The following PCDH15 variants were observed in gnomAD, a reference collection of about 807,000 sequenced individuals.
PCDH15 encodes the protein protocadherin related 15, also known as protocadherin-15.
Under a neutral mutation model 178.5 loss-of-function variants are expected in PCDH15, and 129 were observed. That is an observed-to-expected ratio of 0.72 (90% CI 0.63 to 0.84). The LOEUF is 0.84. Among genes scored for constraint, PCDH15 ranks in the 40% least tolerant of loss-of-function variants. PCDH15 has a pLI of 0.00. For synonymous variants in PCDH15, 800 were observed against 732.0 expected, an observed-to-expected ratio of 1.09 and a Z score of -1.50; for missense variants, 2,230 against 2,099.9, an observed-to-expected ratio of 1.06 and a Z score of -1.21.
At chr10:54,468,917 T>A (rs1261064781) in intron 3 of PCDH15, among the ~76,000 whole-genome samples, 1 of 152,160 alleles carries the variant, frequency 6.6e-6, no homozygotes, top group East Asian at 1.9e-4. Context: ...GTCTCTGCTG[T>A]TTTTGATTAA....
chr10:55,157,093 T>G (rs1378837080), intron 2 of PCDH15, among the ~76,000 whole-genome samples: 1 of 150,956 alleles, frequency 6.6e-6, no homozygotes. Flanking sequence ...ATAAAGTATC[T>G]TAACACATAT....
chr10:54,362,151 A>G (rs1946148447), intron 5 of PCDH15, among the ~76,000 whole-genome samples: 1 of 152,076 alleles, frequency 6.6e-6, no homozygotes, highest in South Asian at 2.1e-4. Flanking sequence ...AATGGTAATT[A>G]TTATAATTCA....
At chr10:55,420,870 A>T (rs1042900518) in intron 2 of PCDH15, among the ~76,000 whole-genome samples, 2 of 151,706 alleles carry the variant, frequency 1.3e-5, no homozygotes, top group African/African-American at 4.8e-5. Flanking sequence ...TACCACGTAG[A>T]AAAATGAAAG....
intron 2 of PCDH15, among the ~76,000 whole-genome samples, chr10:55,434,849 C>T (rs1275757887): frequency 2.0e-5 from 3 of 152,242 alleles, no homozygotes; most frequent in East Asian, 3.9e-4. Context: ...TGTGATCCAC[C>T]GACCTTGGCC....
chr10:54,255,521 C>T (rs1051264511), intron 8 of PCDH15, among the ~76,000 whole-genome samples: 1 of 152,024 alleles, frequency 6.6e-6, no homozygotes, highest in South Asian at 2.1e-4. Flanking sequence ...GAAGTTTATG[C>T]TGCAAAATGT....
chr10:54,436,215 A>G (rs954155966), intron 3 of PCDH15, among the ~76,000 whole-genome samples: 27 of 152,058 alleles, frequency 1.8e-4, no homozygotes, highest in Non-Finnish European at 7.4e-5. Context: ...TAAGTCATAA[A>G]AGTGAATTAG....
rs1296029600 is a variant in PCDH15, at chr10:55,399,284, C to T, written c.-156+228341G>A. Among the ~76,000 whole-genome samples the T allele has an allele frequency of 2.6e-5, 4 of 152,108 alleles. No homozygotes were observed. The East Asian group carries it at 7.7e-4, about 29-fold the overall frequency. On this transcript the variant is annotated intron_variant, in intron 2 of 5. Transcript: ENST00000613346. ...AGAAGAAACAAATTTGAAATAATCT[C>T]ACACAACATTTAAAATATTTATTTT...
At position 53,940,920 on chromosome 10, in the gene PCDH15, C is replaced by G. The variant is rs1351562592; in HGVS notation, c.3178G>C (p.Ala1060Pro). The G allele has an allele frequency of 1.2e-6, 2 of 1,613,602 alleles. No homozygotes were observed. The highest frequency in any genetic ancestry group is 1.7e-6 in the Non-Finnish European group (2 of 1,179,736). ...TKGTMVGVIS[A>P]AAINQSIVYS... is the part of the protein sequence containing the mutation. ...ACAATACTTTGATTAATGGCAGCAG[C>G]AGAAATTACACCAACCATGGTCCCT... Residue 1060 changes from alanine to proline, a missense_variant, in exon 24 of 38, where the codon GCT becomes CCT. Transcript: ENST00000644397.
chr10:54,605,914 A>G (rs898284397), intron 2 of PCDH15: 2 of 152,116 alleles, frequency 1.3e-5, no homozygotes, highest in African/African-American at 4.8e-5. Flanking sequence ...GGGGATAGAT[A>G]TGTAGATAAA....
intron 18 of PCDH15, among the ~76,000 whole-genome samples, chr10:54,041,787 A>T (rs2093552744): frequency 6.6e-6 from 1 of 152,172 alleles, no homozygotes; most frequent in African/African-American, 2.4e-5. Context: ...GAACTCTTAA[A>T]CTTTAGTTTT....
intron 1 of PCDH15, among the ~76,000 whole-genome samples, chr10:54,710,096 C>G (rs889647348): frequency 2.0e-5 from 3 of 151,752 alleles, no homozygotes; most frequent in Non-Finnish European, 4.4e-5. Flanking sequence ...ATGTGTCCTG[C>G]ATAAATGTAG....
chr10:55,175,457 G>A (rs923456820), intron 1 of PCDH15, among the ~76,000 whole-genome samples: 1 of 152,014 alleles, frequency 6.6e-6, no homozygotes, highest in Non-Finnish European at 1.5e-5. Flanking sequence ...AAGGTCAGGA[G>A]TTTGAGACCA....
At chr10:53,897,707 T>C (rs10763022) in intron 26 of PCDH15, among the ~76,000 whole-genome samples, 97,252 of 151,872 alleles carry the variant, frequency 0.64, 32,306 homozygotes, top group East Asian at 0.87. Flanking sequence ...TCCTCCCACT[T>C]CACCCCTAAA....
chr10:54,327,254 C>T (rs1401479672), intron 7 of PCDH15, among the ~76,000 whole-genome samples: 2 of 151,816 alleles, frequency 1.3e-5, no homozygotes, highest in African/African-American at 2.4e-5. Flanking sequence ...GACATTCTAC[C>T]TTTTCTTCAC....
chr10:55,242,621 C>G (rs560294225), intron 1 of PCDH15, among the ~76,000 whole-genome samples: 1 of 152,014 alleles, frequency 6.6e-6, no homozygotes, highest in African/African-American at 2.4e-5. Flanking sequence ...ACAGGCAGAT[C>G]GCTTGAGCCC....
At chr10:54,985,773 G>T (rs1219571063) in intron 2 of PCDH15, among the ~76,000 whole-genome samples, 11 of 152,190 alleles carry the variant, frequency 7.2e-5, no homozygotes, top group Admixed American at 7.2e-4. Context: ...TTGGAAAATT[G>T]TTAAGTTGAA....
intron 3 of PCDH15, among the ~76,000 whole-genome samples, chr10:54,840,139 A>G (rs1235857723): frequency 6.6e-6 from 1 of 152,102 alleles, no homozygotes; most frequent in Non-Finnish European, 1.5e-5. Flanking sequence ...ATAGTTAAAT[A>G]GACAGGCAAA....
At chr10:54,413,078 T>A (rs61142978) in intron 3 of PCDH15, among the ~76,000 whole-genome samples, 4 of 152,194 alleles carry the variant, frequency 2.6e-5, no homozygotes, top group Non-Finnish European at 5.9e-5. Flanking sequence ...AACATATGTT[T>A]AGCAGGAAAC....
chr10:55,295,021 G>T (rs1008126973), intron 1 of PCDH15, among the ~76,000 whole-genome samples: 2 of 151,898 alleles, frequency 1.3e-5, no homozygotes, highest in Admixed American at 1.3e-4. Flanking sequence ...TCACTTAAAG[G>T]TGCTTATCCA....
Sources: allele counts gnomAD v4.1 joint callset (sites outside exome capture counted in the v4.1 genomes callset), GRCh38; gene constraint gnomAD v4.1.1; transcripts MANE v1.5; gene names NCBI Gene and HGNC (gene_info 2026-07-23, HGNC 2026-07-21).